The following SAMD5 variants were observed in gnomAD, a reference collection of about 807,000 sequenced individuals.
SAMD5 encodes sterile alpha motif domain containing 5.
SAMD5 carries 13 observed loss-of-function variants against 11.3 expected under a neutral mutation model. That is an observed-to-expected ratio of 1.15 (90% CI 0.75 to 1.83). The LOEUF (loss-of-function observed/expected upper bound fraction) is 1.83. Ranked by LOEUF, SAMD5 falls within the 40% of genes most tolerant of loss-of-function variation. The pLI, the probability that SAMD5 is intolerant of heterozygous loss-of-function variation, is 0.00. For missense variants in SAMD5, 255 were observed against 239.1 expected, an observed-to-expected ratio of 1.07 and a Z score of -0.44; for synonymous variants, 129 against 111.3, an observed-to-expected ratio of 1.16 and a Z score of -1.00.
chr6:147,817,488 A>G, the SAMD5 span, among the ~76,000 whole-genome samples: 1 of 152,244 alleles, frequency 6.6e-6, no homozygotes, highest in African/African-American at 2.4e-5. Context: ...ATGCATCACC[A>G]TGTCTTTTTT....
the SAMD5 span, among the ~76,000 whole-genome samples, chr6:147,782,372 A>G: frequency 1.3e-3 from 195 of 152,294 alleles, 1 homozygote; most frequent in African/African-American, 4.4e-3. Flanking sequence ...AATGGTTGCC[A>G]GTTATCTGCA....
rs550980440 is a variant in SAMD5, at chr6:147,680,447, G to A, written c.163-56870G>A. Among the ~76,000 whole-genome samples, 314 of 152,122 alleles carry A rather than the reference G, an allele frequency of 2.1e-3. 2 individuals are homozygous for A. The highest frequency in any genetic ancestry group is 3.4e-3 in the Non-Finnish European group (230 of 67,948). Reference sequence around the variant, plus strand: ...TTCTGTAAGCTTTTACACACCCATGGACAGGTGGACTGCGAATAATAATGG... The same window carrying A: ...TTCTGTAAGCTTTTACACACCCATGAACAGGTGGACTGCGAATAATAATGG... On this transcript the variant is annotated intron_variant, in intron 1 of 1. Transcript: ENST00000566741.
chr6:147,663,623 TA>T (rs11300161), intron 1 of SAMD5, among the ~76,000 whole-genome samples: 82,488 of 147,392 alleles, frequency 0.56, 24,018 homozygotes, highest in African/African-American at 0.73. Context: ...CTGTGTCTAC[TA>T]AAAAAAAAAA....
the SAMD5 span, among the ~76,000 whole-genome samples, chr6:147,899,004 C>A: frequency 6.6e-6 from 1 of 151,364 alleles, no homozygotes; most frequent in Admixed American, 6.6e-5. Flanking sequence ...CATGGTGAAA[C>A]CCCGTCTCTA....
intron 1 of SAMD5, among the ~76,000 whole-genome samples, chr6:147,684,101 G>A (rs989174735): frequency 6.6e-6 from 1 of 151,912 alleles, no homozygotes; most frequent in African/African-American, 2.4e-5. Context: ...AGAAGCCCCT[G>A]CTTGGTCCCC....
At chr6:147,667,516 T>C (rs10872604) in intron 1 of SAMD5, among the ~76,000 whole-genome samples, 71,483 of 152,042 alleles carry the variant, frequency 0.47, 20,048 homozygotes, top group East Asian at 0.67. Flanking sequence ...GAACAGATTC[T>C]CCTTGTCCTG....
chr6:147,619,976 A>G (rs1350548053), intron 1 of SAMD5, among the ~76,000 whole-genome samples: 2 of 152,222 alleles, frequency 1.3e-5, no homozygotes, highest in Non-Finnish European at 2.9e-5. Flanking sequence ...TGACTTAGTG[A>G]TACATTATTA....
the SAMD5 span, among the ~76,000 whole-genome samples, chr6:147,923,484 T>C: frequency 6.6e-6 from 1 of 152,234 alleles, no homozygotes; most frequent in Non-Finnish European, 1.5e-5. Context: ...GATGAATTTT[T>C]TTAATGCTAT....
chr6:147,714,845 T>C (rs1470883707), intron 1 of SAMD5, among the ~76,000 whole-genome samples: 1 of 152,190 alleles, frequency 6.6e-6, no homozygotes, highest in African/African-American at 2.4e-5. Flanking sequence ...AATCTGTGAA[T>C]GTTTTCCTCC....
chr6:147,926,768 G>T, the SAMD5 span, among the ~76,000 whole-genome samples: 61 of 152,232 alleles, frequency 4.0e-4, no homozygotes, highest in African/African-American at 1.4e-3. Context: ...GTCCAAGATG[G>T]TATTGCCTAG....
At chr6:147,552,443 G>C (rs1460749949) in intron 1 of SAMD5, among the ~76,000 whole-genome samples, 1 of 152,116 alleles carries the variant, frequency 6.6e-6, no homozygotes, top group African/African-American at 2.4e-5. Flanking sequence ...CACTTCAGAA[G>C]ATACCATTCC....
rs1789063780 is a variant in SAMD5 at position 147,567,624 on chromosome 6, G to A, written c.*3168G>A. On this transcript the variant is annotated 3_prime_UTR_variant, in exon 2 of 2. Coordinates refer to ENST00000367474, the MANE Select transcript of SAMD5 (RefSeq NM_001030060.3). ...CAGTCCTTGGCTCAGTGCTAGGCAT[G>A]TAGCAGGTGCTGACTGCCTCTCTCC... 1.0e-6 allele frequency: 1 copy of A among 980,522 alleles called. No individual in the cohort carries two copies. The highest frequency in any genetic ancestry group is 1.2e-6 in the Non-Finnish European group (1 of 825,628). 60.7% of individuals were successfully genotyped at this position (980,522 alleles called of 1,614,324 possible). A position where few individuals can be genotyped will look rare whatever the true frequency, so the allele number is the denominator to read the frequency against.
chr6:147,822,584 A>G, the SAMD5 span, among the ~76,000 whole-genome samples: 1 of 152,126 alleles, frequency 6.6e-6, no homozygotes, highest in Non-Finnish European at 1.5e-5. Flanking sequence ...CCACCTCGGG[A>G]GTTTTCTCTG....
At chr6:147,673,121 C>T (rs1009934702) in intron 1 of SAMD5, among the ~76,000 whole-genome samples, 4 of 152,118 alleles carry the variant, frequency 2.6e-5, no homozygotes, top group African/African-American at 9.7e-5. Flanking sequence ...GGCTCCTTGG[C>T]TCTTACAGAA....
At chr6:147,524,346 A>G (rs746391696) in intron 1 of SAMD5, among the ~76,000 whole-genome samples, 2 of 151,956 alleles carry the variant, frequency 1.3e-5, no homozygotes, top group Non-Finnish European at 2.9e-5. Flanking sequence ...GATGAGCATG[A>G]TAAATTATAG....
At chr6:147,944,351 A>G in the SAMD5 span, among the ~76,000 whole-genome samples, 1 of 152,182 alleles carries the variant, frequency 6.6e-6, no homozygotes, top group Admixed American at 6.5e-5. Context: ...AAGGAGGAGC[A>G]AGTCACCTCT....
the SAMD5 span, among the ~76,000 whole-genome samples, chr6:147,832,801 C>T: frequency 2.0e-5 from 3 of 152,144 alleles, no homozygotes; most frequent in Non-Finnish European, 2.9e-5. Context: ...ACACACTAAG[C>T]ACTTAACCCA....
chr6:147,564,918 A>G lies in SAMD5; in HGVS notation c.*462A>G. The G allele has an allele frequency of 1.2e-6, 1 of 832,940 alleles. No individual in the cohort carries two copies. Among genetic ancestry groups the G allele is most frequent in the Non-Finnish European group, 1.4e-6 (1 of 691,652 alleles). 51.6% of individuals were successfully genotyped at this position (832,940 alleles called of 1,614,324 possible). On this transcript the variant is annotated 3_prime_UTR_variant, in exon 2 of 2. Transcript: ENST00000367474. ...CTTTAATTTTTATATTCAAGCATACATTCTACTTCATTTCATATAGGACCA... is the reference window on the plus strand; with the variant it reads ...CTTTAATTTTTATATTCAAGCATACGTTCTACTTCATTTCATATAGGACCA...
intron 1 of SAMD5, among the ~76,000 whole-genome samples, chr6:147,626,134 G>T (rs6911994): frequency 6.6e-6 from 1 of 151,716 alleles, no homozygotes; most frequent in Non-Finnish European, 1.5e-5. Flanking sequence ...TGATATGATG[G>T]GTGGAGTTGC....
Sources: gnomAD v4.1 joint callset for allele counts (sites outside exome capture counted in the v4.1 genomes callset) on GRCh38, gnomAD v4.1.1 for gene constraint, MANE v1.5 for transcripts, NCBI Gene and HGNC (gene_info 2026-07-23, HGNC 2026-07-21) for gene names.